The following FCHSD2 variants were observed in gnomAD, a reference collection of about 807,000 sequenced individuals.
FCHSD2 encodes FCH and double SH3 domains 2.
In FCHSD2, 38 loss-of-function variants were observed where a neutral mutation model predicts 108.1. That is an observed-to-expected ratio of 0.35 (90% CI 0.27 to 0.46). The LOEUF (loss-of-function observed/expected upper bound fraction) is 0.46, where lower values mean the gene tolerates loss of function less well. Ranked by LOEUF, FCHSD2 falls within the 20% of genes least tolerant of loss-of-function variation. The pLI, the probability that FCHSD2 is intolerant of heterozygous loss-of-function variation, is 1.00. For missense variants in FCHSD2, 751 were observed against 897.8 expected, an observed-to-expected ratio of 0.84 and a Z score of 2.09; for synonymous variants, 279 against 314.7, an observed-to-expected ratio of 0.89 and a Z score of 1.20.
intron 10 of FCHSD2, among the ~76,000 whole-genome samples, chr11:72,892,626 A>G (rs1206892642): frequency 6.6e-6 from 1 of 152,158 alleles, no homozygotes; most frequent in Non-Finnish European, 1.5e-5. Flanking sequence ...GTTTTTTGAG[A>G]CAGAGTCTCA....
chr11:73,134,213 G>A (rs1313149626), intron 2 of FCHSD2, among the ~76,000 whole-genome samples: 2 of 152,104 alleles, frequency 1.3e-5, no homozygotes, highest in Admixed American at 6.6e-5. Context: ...GCTCATGCCT[G>A]TAACCCCAAC....
In FCHSD2 at chr11:73,023,083, T is replaced by C. The variant is rs536071071; in HGVS notation, c.166-7198A>G. On this transcript the variant is annotated intron_variant, in intron 3 of 19. Coordinates refer to ENST00000409418, the MANE Select transcript of FCHSD2 (RefSeq NM_014824.3). The stretch of plus-strand genomic sequence containing the variant: ...GATTCATACACCTCAATATAAAGCA[T>C]AAAACTATGAAACATTTAGAAGAAC... 7.9e-5 allele frequency among the ~76,000 whole-genome samples: 12 copies of C among 152,206 alleles called. No individual in the cohort carries two copies. In the South Asian group the frequency reaches 2.3e-3, roughly 29 times the overall value.
chr11:73,071,169 T>C (rs565386542), intron 3 of FCHSD2, among the ~76,000 whole-genome samples: 1 of 152,332 alleles, frequency 6.6e-6, no homozygotes, highest in African/African-American at 2.4e-5. Context: ...TCTAACTAGC[T>C]AATACCTTCT....
rs139214762 is a variant in FCHSD2 at position 72,972,351 on chromosome 11, A to G, written c.705+11737T>C. ...GGTAAAGCTTAGACCTCTATAAGAA[A>G]TTTGGTAGTTGGAAAATCCTGTCTT... On this transcript the variant is annotated intron_variant, in intron 8 of 19. Transcript: ENST00000409418. Among the ~76,000 whole-genome samples the G allele has an allele frequency of 3.8e-4, 58 of 152,320 alleles. 1 individual carries two copies. The East Asian group carries it at 0.01, about 26-fold the overall frequency.
At chr11:72,901,231 T>C (rs960686690) in intron 10 of FCHSD2, among the ~76,000 whole-genome samples, 2 of 151,750 alleles carry the variant, frequency 1.3e-5, no homozygotes, top group Non-Finnish European at 2.9e-5. Flanking sequence ...CCCATCTCTA[T>C]TGAAAATACA....
At chr11:72,987,058 G>A (rs1857325168) in intron 6 of FCHSD2, among the ~76,000 whole-genome samples, 1 of 152,082 alleles carries the variant, frequency 6.6e-6, no homozygotes, top group Non-Finnish European at 1.5e-5. Flanking sequence ...ATTCACCCCA[G>A]TGTTTCCCAG....
At position 72,837,668 on chromosome 11, in the gene FCHSD2, C is replaced by T. The variant is rs1460384212; in HGVS notation, c.*1123G>A. On this transcript the variant is annotated 3_prime_UTR_variant, in exon 20 of 20. Transcript: ENST00000409418. ...AGACACTTGTCTTTTCCTGGTCAAT[C>T]TGTACTTGTGCAGGGTGCGCAATCC... 3 of 152,232 alleles carry T rather than the reference C, an allele frequency of 2.0e-5. No homozygotes were observed. Among genetic ancestry groups the T allele is most frequent in the Non-Finnish European group, 4.4e-5 (3 of 68,044 alleles). 9.4% of individuals were successfully genotyped at this position (152,232 alleles called of 1,614,324 possible). A position where few individuals can be genotyped will look rare whatever the true frequency, so the allele number is the denominator to read the frequency against.
intron 8 of FCHSD2, among the ~76,000 whole-genome samples, chr11:72,926,532 A>G (rs1489122198): frequency 6.6e-6 from 1 of 152,126 alleles, no homozygotes; most frequent in Non-Finnish European, 1.5e-5. Flanking sequence ...AGACATCCCA[A>G]TGACTTGCCT....
chr11:72,862,104 CAG>C (rs1861590915), intron 13 of FCHSD2, among the ~76,000 whole-genome samples: 1 of 152,072 alleles, frequency 6.6e-6, no homozygotes, highest in Non-Finnish European at 1.5e-5. Flanking sequence ...AAAATAGAAA[CAG>C]AAGAAACTTC....
At chr11:73,044,028 G>A (rs1858700412) in intron 3 of FCHSD2, among the ~76,000 whole-genome samples, 2 of 152,308 alleles carry the variant, frequency 1.3e-5, no homozygotes, top group South Asian at 2.1e-4. Flanking sequence ...TGATTTGGGA[G>A]TTGTTGGTTA....
intron 8 of FCHSD2, among the ~76,000 whole-genome samples, chr11:72,973,148 A>G (rs1011590748): frequency 2.6e-5 from 4 of 152,158 alleles, no homozygotes; most frequent in African/African-American, 9.7e-5. Flanking sequence ...CAGGCGGATC[A>G]CCTGAGGTCA....
At chr11:72,882,187 A>G (rs1855104272) in intron 12 of FCHSD2, among the ~76,000 whole-genome samples, 1 of 151,660 alleles carries the variant, frequency 6.6e-6, no homozygotes, top group Non-Finnish European at 1.5e-5. Flanking sequence ...TCATGCCTGT[A>G]ATCCCAGCAC....
At chr11:72,986,740 C>A (rs182498339) in intron 6 of FCHSD2, among the ~76,000 whole-genome samples, 6 of 152,196 alleles carry the variant, frequency 3.9e-5, no homozygotes, top group Admixed American at 2.0e-4. Flanking sequence ...TAATATACTT[C>A]TTGTGTAGTA....
intron 3 of FCHSD2, among the ~76,000 whole-genome samples, chr11:73,063,301 A>G (rs2135490145): frequency 6.6e-6 from 1 of 152,342 alleles, no homozygotes; most frequent in East Asian, 1.9e-4. Flanking sequence ...CTAAACATGG[A>G]AAGGAACAAC....
chr11:72,900,863 C>T (rs1439409609), intron 10 of FCHSD2, among the ~76,000 whole-genome samples: 1 of 152,088 alleles, frequency 6.6e-6, no homozygotes, highest in African/African-American at 2.4e-5. Flanking sequence ...CATAAACTCC[C>T]TTGGTTCTGG....
chr11:73,082,639 A>G (rs1457774105), intron 3 of FCHSD2, among the ~76,000 whole-genome samples: 2 of 152,154 alleles, frequency 1.3e-5, no homozygotes, highest in African/African-American at 2.4e-5. Context: ...TATAATGAGA[A>G]TAAAAACAGT....
At chr11:72,844,071 C>T (rs1861051167) in intron 14 of FCHSD2, among the ~76,000 whole-genome samples, 1 of 152,094 alleles carries the variant, frequency 6.6e-6, no homozygotes, top group Non-Finnish European at 1.5e-5. Context: ...CCAACTCCAG[C>T]TTCTGTATCA....
At chr11:73,098,593 T>C (rs910594551) in intron 2 of FCHSD2, among the ~76,000 whole-genome samples, 5 of 151,876 alleles carry the variant, frequency 3.3e-5, no homozygotes, top group African/African-American at 9.7e-5. Flanking sequence ...GGAATAGAAT[T>C]GATAGTCCAG....
chr11:72,854,366 A>T (rs1402918915), intron 13 of FCHSD2, among the ~76,000 whole-genome samples: 1 of 152,244 alleles, frequency 6.6e-6, no homozygotes, highest in Non-Finnish European at 1.5e-5. Context: ...GTATGTATAT[A>T]CCACAAACCA....
Sources: allele counts gnomAD v4.1 joint callset (sites outside exome capture counted in the v4.1 genomes callset), GRCh38; gene constraint gnomAD v4.1.1; transcripts MANE v1.5; gene names NCBI Gene and HGNC (gene_info 2026-07-23, HGNC 2026-07-21).